Variants in ILRUN observed in about 807,000 individuals in gnomAD.
ILRUN encodes the protein protein ILRUN.
ILRUN carries 3 observed loss-of-function variants against 33.8 expected under a neutral mutation model. That is an observed-to-expected ratio of 0.09 (90% CI 0.04 to 0.23). ILRUN has a LOEUF of 0.23. Ranked by LOEUF, ILRUN falls within the 10% of genes least tolerant of loss-of-function variation. The probability of loss-of-function intolerance (pLI) is 1.00; values close to 1 mark genes in which losing one functional copy is unlikely to be tolerated. For missense variants in ILRUN, 210 were observed against 375.1 expected, an observed-to-expected ratio of 0.56 and a Z score of 3.64; for synonymous variants, 124 against 138.9, an observed-to-expected ratio of 0.89 and a Z score of 0.75.
Position 34,627,704 on chromosome 6 carries a change from C to CTTT in ILRUN, c.511+18894_511+18896dup, listed in dbSNP as rs71000075. Among the ~76,000 whole-genome samples the CTTT allele has an allele frequency of 6.0e-3, 813 of 134,878 alleles. 16 individuals carry two copies. Among genetic ancestry groups the CTTT allele is most frequent in the African/African-American group, 0.017 (607 of 36,106 alleles). The allele number at this position is 134,878 out of a possible 152,430, so 88.5% of individuals were successfully genotyped here. ...GAGATATCTGTTCAGGTCTTTGGCC[C>CTTT]TTTTTTTTTTTTTTTTGAGACAGAG... is the stretch of plus-strand genomic sequence containing the variant. On this transcript the variant is annotated intron_variant, in intron 3 of 4. Transcript: ENST00000374023.
chr6:34,658,679 C>T (rs778338772), intron 1 of ILRUN, among the ~76,000 whole-genome samples: 38 of 151,786 alleles, frequency 2.5e-4, no homozygotes, highest in Non-Finnish European at 4.1e-4. Flanking sequence ...TGGTCGTGGG[C>T]GCCTGTAATC....
chr6:34,632,254 A>G (rs1309098120), intron 3 of ILRUN, among the ~76,000 whole-genome samples: 9 of 152,094 alleles, frequency 5.9e-5, no homozygotes. Context: ...CAGCCTGGCC[A>G]ACATGGAGAA....
At chr6:34,631,241 T>G (rs9469828) in intron 3 of ILRUN, among the ~76,000 whole-genome samples, 4 of 152,038 alleles carry the variant, frequency 2.6e-5, no homozygotes, top group Non-Finnish European at 5.9e-5. Context: ...AGTAATGTAA[T>G]GGTAAGGTGT....
chr6:34,691,739 T>C (rs1241934844), intron 1 of ILRUN, among the ~76,000 whole-genome samples: 2 of 151,806 alleles, frequency 1.3e-5, no homozygotes, highest in South Asian at 2.1e-4. Flanking sequence ...GAGGTTGCAG[T>C]GAGCCAAGAT....
intron 1 of ILRUN, among the ~76,000 whole-genome samples, chr6:34,676,009 G>A (rs982715917): frequency 1.9e-4 from 29 of 152,082 alleles, no homozygotes; most frequent in African/African-American, 7.0e-4. Context: ...AATAAAATAT[G>A]ACCAACCACA....
intron 2 of ILRUN, among the ~76,000 whole-genome samples, chr6:34,649,240 AG>A (rs964319116): frequency 2.6e-5 from 4 of 152,230 alleles, no homozygotes; most frequent in African/African-American, 9.7e-5. Flanking sequence ...CACAACTGTT[AG>A]GTCACGTAAC....
chr6:34,673,082 A>G (rs915807414), intron 1 of ILRUN, among the ~76,000 whole-genome samples: 3 of 152,208 alleles, frequency 2.0e-5, no homozygotes, highest in Admixed American at 1.3e-4. Context: ...TTCTGAGAAA[A>G]ATATTCTCAA....
At chr6:34,692,517 C>T (rs544411264) in intron 1 of ILRUN, among the ~76,000 whole-genome samples, 98 of 152,204 alleles carry the variant, frequency 6.4e-4, no homozygotes, top group Non-Finnish European at 1.1e-3. Context: ...TAGAACAACA[C>T]GTCTAGACTT....
intron 3 of ILRUN, among the ~76,000 whole-genome samples, chr6:34,623,304 G>A (rs1356388217): frequency 6.6e-6 from 1 of 152,100 alleles, no homozygotes; most frequent in Non-Finnish European, 1.5e-5. Flanking sequence ...ATTTGTTGAA[G>A]GCCAATCAGT....
chr6:34,654,621 T>G lies in ILRUN; in HGVS notation c.313+4A>C. On this transcript the variant is annotated splice_donor_region_variant and intron_variant, in intron 2 of 4. Transcript: ENST00000374023. ...CAAGGGAGGATTGCCCATTATGTAC[T>G]TACCAGAATTCTGGATCCGCCATGT... 1 of 1,609,368 alleles carries G rather than the reference T, an allele frequency of 6.2e-7. No individual in the cohort carries two copies. Among genetic ancestry groups the G allele is most frequent in the Non-Finnish European group, 8.5e-7 (1 of 1,178,578 alleles).
chr6:34,668,431 A>G (rs981860487), intron 1 of ILRUN, among the ~76,000 whole-genome samples: 10 of 152,328 alleles, frequency 6.6e-5, no homozygotes, highest in African/African-American at 2.4e-4. Flanking sequence ...AGTCCCTCAC[A>G]TCAAGTAACA....
At chr6:34,683,444 A>ATATATACG (rs1763427816) in intron 1 of ILRUN, among the ~76,000 whole-genome samples, 4 of 78,056 alleles carry the variant, frequency 5.1e-5, no homozygotes, top group African/African-American at 2.7e-4. Flanking sequence ...ATATATACAT[A>ATATATACG]TATATATACA....
intron 4 of ILRUN, among the ~76,000 whole-genome samples, chr6:34,601,706 C>CCA (rs1554182765): frequency 2.8e-5 from 4 of 143,694 alleles, no homozygotes; most frequent in East Asian, 1.9e-4. Flanking sequence ...CCAGTACCCG[C>CCA]CCCCCCAACT....
At chr6:34,614,443 A>T (rs4711396) in intron 3 of ILRUN, among the ~76,000 whole-genome samples, 78,139 of 133,364 alleles carry the variant, frequency 0.59, 23,655 homozygotes, top group South Asian at 0.71. Context: ...AAAAAAAAAA[A>T]ATATATATAT....
rs1762737988 is a variant in ILRUN at position 34,654,817 on chromosome 6, G to A, written c.159-38C>T. Reference sequence around the variant, plus strand: ...AGAAAAGGCAACAGACTTCAGTACTGTCCAGATATTATCCTAATTGTTAAA... The same window carrying A: ...AGAAAAGGCAACAGACTTCAGTACTATCCAGATATTATCCTAATTGTTAAA... On this transcript the variant is annotated intron_variant, in intron 1 of 4. Coordinates refer to ENST00000374023, the MANE Select transcript of ILRUN (RefSeq NM_024294.4). 14 of 1,559,910 alleles carry A rather than the reference G, an allele frequency of 9.0e-6. No individual in the cohort carries two copies. The East Asian group carries it at 3.0e-4, about 33-fold the overall frequency.
chr6:34,606,413 T>G (rs1227485793), intron 4 of ILRUN, 142 bp downstream of exon 4: 2 of 624,924 alleles, frequency 3.2e-6, no homozygotes, highest in Non-Finnish European at 5.5e-6. Flanking sequence ...GCTTTTGCAT[T>G]GTTGCTATTG....
Position 34,696,704 on chromosome 6 carries a change from G to A in ILRUN, c.-101C>T. ...AGGGGGGCCGCTGCTAGCTAGCTTCGCGACCCCGCTCCTTTGAGGTAGGCC... is the reference window on the plus strand; with the variant it reads ...AGGGGGGCCGCTGCTAGCTAGCTTCACGACCCCGCTCCTTTGAGGTAGGCC... On this transcript the variant is annotated 5_prime_UTR_variant, in exon 1 of 5. Coordinates refer to ENST00000374023, the MANE Select transcript of ILRUN (RefSeq NM_024294.4). 1 of 1,315,784 alleles carries A rather than the reference G, an allele frequency of 7.6e-7. No homozygotes were observed. The highest frequency in any genetic ancestry group is 1.0e-6 in the Non-Finnish European group (1 of 959,726). The allele number at this position is 1,315,784 out of a possible 1,614,324, so 81.5% of individuals were successfully genotyped here.
rs1445838491 is a variant in ILRUN at position 34,657,639 on chromosome 6, A to G, written c.159-2860T>C. Among the ~76,000 whole-genome samples, 2 of 152,216 alleles carry G rather than the reference A, an allele frequency of 1.3e-5. 1 individual carries two copies. The highest frequency in any genetic ancestry group is 3.8e-4 in the East Asian group (2 of 5,198). ...TTCCCAAGTACAAGGCAGAAAGTGGACTTTAGCCCGAGTGATCTAACCCAT... is the reference window on the plus strand; with the variant it reads ...TTCCCAAGTACAAGGCAGAAAGTGGGCTTTAGCCCGAGTGATCTAACCCAT... On this transcript the variant is annotated intron_variant, in intron 1 of 4. Coordinates refer to ENST00000374023, the MANE Select transcript of ILRUN (RefSeq NM_024294.4).
intron 1 of ILRUN, among the ~76,000 whole-genome samples, chr6:34,662,538 T>C (rs1283632026): frequency 6.6e-6 from 1 of 152,190 alleles, no homozygotes; most frequent in African/African-American, 2.4e-5. Context: ...GATTTATACA[T>C]GTAATGGGAT....
Sources: allele counts gnomAD v4.1 joint callset (sites outside exome capture counted in the v4.1 genomes callset), GRCh38; gene constraint gnomAD v4.1.1; transcripts MANE v1.5; gene names NCBI Gene and HGNC (gene_info 2026-07-23, HGNC 2026-07-21).